The following CDK14 variants were observed in gnomAD, a reference collection of about 807,000 sequenced individuals.
CDK14 encodes the protein cyclin-dependent kinase 14.
Under a neutral mutation model 60.7 loss-of-function variants are expected in CDK14, and 34 were observed. The observed-to-expected ratio is 0.56, with a 90% CI of 0.43 to 0.75. The LOEUF (loss-of-function observed/expected upper bound fraction) is 0.75, where lower values mean the gene tolerates loss of function less well. Among genes scored for constraint, CDK14 ranks in the 30% least tolerant of loss-of-function variants. CDK14 has a pLI of 0.00. For missense variants in CDK14, 482 were observed against 564.1 expected, an observed-to-expected ratio of 0.85 and a Z score of 1.47; for synonymous variants, 197 against 203.7, an observed-to-expected ratio of 0.97 and a Z score of 0.28.
chr7:90,928,784 C>G (rs1403736888), intron 8 of CDK14, among the ~76,000 whole-genome samples: 1 of 152,246 alleles, frequency 6.6e-6, no homozygotes, highest in Admixed American at 6.5e-5. Flanking sequence ...GCAGAAGTTT[C>G]TGCTGGCTTT....
At chr7:90,719,012 G>A (rs1002362675) in intron 2 of CDK14, among the ~76,000 whole-genome samples, 3 of 152,114 alleles carry the variant, frequency 2.0e-5, no homozygotes, top group African/African-American at 4.8e-5. Context: ...CGATTTAAGT[G>A]CTCAAAAACT....
chr7:91,103,355 C>G (rs1799196681), intron 12 of CDK14, among the ~76,000 whole-genome samples: 1 of 152,190 alleles, frequency 6.6e-6, no homozygotes, highest in South Asian at 2.1e-4. Context: ...TTGTCCTCCA[C>G]TTTCCATTCC....
At chr7:90,623,552 TG>T (rs1799817840) in intron 2 of CDK14, among the ~76,000 whole-genome samples, 1 of 152,194 alleles carries the variant, frequency 6.6e-6, no homozygotes, top group South Asian at 2.1e-4. Flanking sequence ...AGGTATTAGT[TG>T]TTTTTTTAAG....
rs573390988 is a variant in CDK14, at chr7:90,672,157, A to G, written c.124-54410A>G. On this transcript the variant is annotated intron_variant, in intron 2 of 14. Transcript: ENST00000380050. Reference sequence around the variant, plus strand: ...GATACTGTATTCTTTTTCTTGGGTAATACCTTTATTGATATATAATTCATA... The same window carrying G: ...GATACTGTATTCTTTTTCTTGGGTAGTACCTTTATTGATATATAATTCATA... 2.0e-3 allele frequency among the ~76,000 whole-genome samples: 308 copies of G among 152,284 alleles called. 13 individuals are homozygous for G. The highest frequency in any genetic ancestry group is 1.2e-3 in the Non-Finnish European group (81 of 68,022).
chr7:91,067,635 A>G (rs1798019333), intron 11 of CDK14, among the ~76,000 whole-genome samples: 1 of 152,256 alleles, frequency 6.6e-6, no homozygotes, highest in Admixed American at 6.5e-5. Context: ...GCACACAGGC[A>G]CATGCCCAGG....
rs1020373359 is a variant in CDK14 at position 90,627,365 on chromosome 7, A to G, written c.123+23116A>G. On this transcript the variant is annotated intron_variant, in intron 2 of 14. Transcript: ENST00000380050. ...GCTGTGATTACAGGCGCATGCCACC[A>G]CACCTGGCTAAGTTTTAAAAATTTT... 2.0e-5 allele frequency among the ~76,000 whole-genome samples: 3 copies of G among 151,956 alleles called. 1 individual carries two copies. Among genetic ancestry groups the G allele is most frequent in the East Asian group, 3.9e-4 (2 of 5,184 alleles).
chr7:90,804,596 A>T (rs980654599), intron 5 of CDK14, among the ~76,000 whole-genome samples: 1 of 152,160 alleles, frequency 6.6e-6, no homozygotes, highest in Non-Finnish European at 1.5e-5. Context: ...GAGTAATCTG[A>T]TGGGTGTCTG....
intron 2 of CDK14, among the ~76,000 whole-genome samples, chr7:90,685,441 A>G (rs896055187): frequency 6.6e-6 from 1 of 151,970 alleles, no homozygotes; most frequent in Admixed American, 6.6e-5. Flanking sequence ...AACATTTTCT[A>G]TTGAGATTTT....
intron 2 of CDK14, among the ~76,000 whole-genome samples, chr7:90,642,750 T>TTTTTTTA (rs1800368776): frequency 6.6e-6 from 1 of 152,126 alleles, no homozygotes; most frequent in Non-Finnish European, 1.5e-5. Flanking sequence ...AACCAATTTT[T>TTTTTTTA]CTCATTTACA....
chr7:91,164,969 G>T (rs1425652050), intron 14 of CDK14, among the ~76,000 whole-genome samples: 2 of 152,192 alleles, frequency 1.3e-5, no homozygotes, highest in Non-Finnish European at 2.9e-5. Flanking sequence ...CACATAGAGT[G>T]AAGGAGATAT....
chr7:90,700,561 C>T (rs1422424299), intron 2 of CDK14, among the ~76,000 whole-genome samples: 1 of 152,046 alleles, frequency 6.6e-6, no homozygotes, highest in African/African-American at 2.4e-5. Context: ...AGGCTGTGCT[C>T]CTATGATATT....
At chr7:91,077,723 G>A (rs1253284589) in intron 11 of CDK14, among the ~76,000 whole-genome samples, 1 of 140,442 alleles carries the variant, frequency 7.1e-6, no homozygotes, top group Non-Finnish European at 1.5e-5. Flanking sequence ...GGAAAAAAGT[G>A]TATACTTATT....
chr7:90,987,505 A>G (rs1321533063), intron 10 of CDK14, among the ~76,000 whole-genome samples: 1 of 152,160 alleles, frequency 6.6e-6, no homozygotes, highest in Non-Finnish European at 1.5e-5. Context: ...AAATGATGCT[A>G]TGTTTTGCCC....
In CDK14 at chr7:91,027,452, C is replaced by T. The variant is rs3808295; in HGVS notation, c.1042-18445C>T. Among the ~76,000 whole-genome samples, 60 of 152,242 alleles carry T rather than the reference C, an allele frequency of 3.9e-4. 1 individual carries two copies. In the East Asian group the frequency reaches 5.2e-3, roughly 13 times the overall value. The stretch of plus-strand genomic sequence containing the variant: ...GACTTGCTTGGCAGCCATACTTCCT[C>T]GGAAGATGCCTCATTTTCAACTCTA... On this transcript the variant is annotated intron_variant, in intron 10 of 14. Transcript: ENST00000380050.
chr7:90,749,604 T>C (rs1803738150), intron 4 of CDK14, among the ~76,000 whole-genome samples: 1 of 152,174 alleles, frequency 6.6e-6, no homozygotes. Context: ...GCCTCACCCT[T>C]TCTACACAAA....
intron 7 of CDK14, among the ~76,000 whole-genome samples, chr7:90,900,415 GTTAGA>G (rs1259606206): frequency 4.6e-5 from 7 of 152,030 alleles, no homozygotes; most frequent in Non-Finnish European, 1.0e-4. Context: ...TTTATTAGTA[GTTAGA>G]TTAGGTTAGA....
chr7:90,869,217 T>C (rs1419401592), intron 6 of CDK14, among the ~76,000 whole-genome samples: 5 of 152,234 alleles, frequency 3.3e-5, no homozygotes, highest in African/African-American at 1.2e-4. Flanking sequence ...TCCTCTGAGA[T>C]AGATGTATGT....
At chr7:90,986,199 A>G (rs802402) in intron 10 of CDK14, among the ~76,000 whole-genome samples, 150,028 of 152,186 alleles carry the variant, frequency 0.99, 73,982 homozygotes, top group East Asian at 1. Flanking sequence ...GTGTTTCATT[A>G]TATGGATGAG....
intron 9 of CDK14, among the ~76,000 whole-genome samples, chr7:90,957,825 C>T (rs566019076): frequency 7.0e-4 from 106 of 152,050 alleles, no homozygotes; most frequent in African/African-American, 2.5e-3. Context: ...CTACCAATGA[C>T]TTTCTTCACA....
Sources: allele counts gnomAD v4.1 joint callset (sites outside exome capture counted in the v4.1 genomes callset), GRCh38; gene constraint gnomAD v4.1.1; transcripts MANE v1.5; gene names NCBI Gene and HGNC (gene_info 2026-07-23, HGNC 2026-07-21).